Variants in EXOC4 observed in about 807,000 individuals in gnomAD.
The protein encoded by EXOC4 is SEC8-like 1.
In EXOC4, 71 loss-of-function variants were observed where a neutral mutation model predicts 107.2. The ratio of observed to expected loss-of-function variants is 0.66; its 90% CI spans 0.55 to 0.81. The LOEUF (loss-of-function observed/expected upper bound fraction) is 0.81. Ranked by LOEUF, EXOC4 falls within the 30% of genes least tolerant of loss-of-function variation. EXOC4 has a pLI of 0.00. For synonymous variants in EXOC4, 456 were observed against 441.2 expected (o/e 1.03, Z -0.42); for missense variants, 1,108 against 1,189.6 (o/e 0.93, Z 1.01).
chr7:133,951,888 C>G, intron 14 of EXOC4, among the ~76,000 whole-genome samples: 1 of 152,176 alleles, frequency 6.6e-6, no homozygotes, highest in East Asian at 1.9e-4. Context: ...TGGCCAGGTG[C>G]AGTGGCTCAC....
chr7:133,924,676 G>A (rs1800012964), intron 13 of EXOC4, among the ~76,000 whole-genome samples: 1 of 152,092 alleles, frequency 6.6e-6, no homozygotes, highest in Non-Finnish European at 1.5e-5. Flanking sequence ...TACCATCCCA[G>A]ATCAAAATAT....
At chr7:133,660,036 C>T (rs189208423) in intron 10 of EXOC4, among the ~76,000 whole-genome samples, 6 of 152,306 alleles carry the variant, frequency 3.9e-5, no homozygotes, top group Admixed American at 1.3e-4. Flanking sequence ...CACCAACCTG[C>T]AGTGTCATGG....
chr7:133,969,434 A>G (rs1180224154), intron 14 of EXOC4, among the ~76,000 whole-genome samples: 3 of 151,942 alleles, frequency 2.0e-5, no homozygotes, highest in Non-Finnish European at 4.4e-5. Context: ...TTATTTTTGG[A>G]ATTTTTAGCC....
chr7:133,408,330 T>TA (rs535090149), intron 7 of EXOC4, among the ~76,000 whole-genome samples: 120 of 145,628 alleles, frequency 8.2e-4, no homozygotes, highest in African/African-American at 3.0e-3. Context: ...GAGCTGGGGA[T>TA]GGGGTGGTGA....
intron 7 of EXOC4, among the ~76,000 whole-genome samples, chr7:133,453,252 G>A (rs578219770): frequency 6.6e-6 from 1 of 152,332 alleles, no homozygotes; most frequent in South Asian, 2.1e-4. Context: ...TGGTTGGCCA[G>A]CGTCTATAGT....
chr7:133,694,257 C>T (rs888426212), intron 10 of EXOC4, among the ~76,000 whole-genome samples: 1 of 21,050 alleles, frequency 4.8e-5, no homozygotes, highest in Admixed American at 6.4e-4. Context: ...GAGATTCCTT[C>T]TCAAAAAAAA....
chr7:133,409,087 A>G (rs982055029), intron 7 of EXOC4, among the ~76,000 whole-genome samples: 6 of 152,182 alleles, frequency 3.9e-5, no homozygotes, highest in Admixed American at 2.6e-4. Context: ...TAGATAAATC[A>G]CCATTGTTCT....
At chr7:134,005,127 A>C in intron 16 of EXOC4, 37 bp downstream of exon 16, 1 of 1,576,342 alleles carries the variant, frequency 6.3e-7, no homozygotes, top group Non-Finnish European at 8.6e-7. Flanking sequence ...GTTTGGGAGG[A>C]AGAAAGGATG....
At chr7:133,731,745 C>T (rs564939627) in intron 10 of EXOC4, among the ~76,000 whole-genome samples, 1 of 152,186 alleles carries the variant, frequency 6.6e-6, no homozygotes, top group African/African-American at 2.4e-5. Context: ...TTTTCAGCCT[C>T]ATGTTCATGT....
chr7:133,324,368 A>G (rs1315501165), intron 5 of EXOC4, among the ~76,000 whole-genome samples: 1 of 152,096 alleles, frequency 6.6e-6, no homozygotes, highest in Non-Finnish European at 1.5e-5. Flanking sequence ...ATTTCCCTCT[A>G]CACACTGCTT....
At chr7:133,403,130 G>A (rs187290088) in intron 7 of EXOC4, among the ~76,000 whole-genome samples, 4 of 151,954 alleles carry the variant, frequency 2.6e-5, no homozygotes, top group South Asian at 2.1e-4. Flanking sequence ...TGATCCACCC[G>A]CCTCGGCCTC....
chr7:133,849,725 C>T (rs543930898), intron 11 of EXOC4, among the ~76,000 whole-genome samples: 3 of 152,256 alleles, frequency 2.0e-5, no homozygotes, highest in Admixed American at 1.3e-4. Context: ...GAAGCGATAA[C>T]GTCTGTTTGC....
intron 10 of EXOC4, among the ~76,000 whole-genome samples, chr7:133,647,175 A>G (rs1803013886): frequency 6.6e-6 from 1 of 152,198 alleles, no homozygotes; most frequent in Admixed American, 6.5e-5. Context: ...ATGAGCATAC[A>G]TCTTGAATCC....
At chr7:133,478,325 A>AGG (rs1799069849) in intron 8 of EXOC4, among the ~76,000 whole-genome samples, 1 of 151,928 alleles carries the variant, frequency 6.6e-6, no homozygotes, top group Non-Finnish European at 1.5e-5. Flanking sequence ...AAAAAAAAAA[A>AGG]GAAATTGTTG....
the EXOC4 span, among the ~76,000 whole-genome samples, chr7:134,097,093 A>G: frequency 6.6e-6 from 1 of 152,178 alleles, no homozygotes; most frequent in African/African-American, 2.4e-5. Flanking sequence ...CAGAAACCAC[A>G]TGGAAGACTT....
At chr7:133,631,573 T>G (rs1428962759) in intron 10 of EXOC4, among the ~76,000 whole-genome samples, 1 of 152,090 alleles carries the variant, frequency 6.6e-6, no homozygotes, top group Non-Finnish European at 1.5e-5. Flanking sequence ...TTATTGCCTT[T>G]AAGAAGTCTG....
chr7:133,329,427 C>A (rs910076592), intron 5 of EXOC4, among the ~76,000 whole-genome samples: 1 of 152,124 alleles, frequency 6.6e-6, no homozygotes, highest in Non-Finnish European at 1.5e-5. Flanking sequence ...TTTGTCAACT[C>A]ATTCATCAAA....
At chr7:133,865,442 C>G (rs1798616408) in intron 11 of EXOC4, among the ~76,000 whole-genome samples, 1 of 152,170 alleles carries the variant, frequency 6.6e-6, no homozygotes, top group African/African-American at 2.4e-5. Flanking sequence ...ATTTTCCCAT[C>G]TCTAGAATTT....
At chr7:133,420,612 G>A (rs987675722) in intron 7 of EXOC4, among the ~76,000 whole-genome samples, 5 of 152,084 alleles carry the variant, frequency 3.3e-5, no homozygotes, top group East Asian at 1.9e-4. Context: ...CAAAAGCGTG[G>A]ACAGTAGGAG....
Sources: gnomAD v4.1 joint callset for allele counts (sites outside exome capture counted in the v4.1 genomes callset) on GRCh38, gnomAD v4.1.1 for gene constraint, MANE v1.5 for transcripts, NCBI Gene and HGNC (gene_info 2026-07-23, HGNC 2026-07-21) for gene names.